Variants in NOS1AP observed in about 807,000 individuals in gnomAD.
NOS1AP encodes the protein carboxyl-terminal PDZ ligand of neuronal nitric oxide synthase protein.
Under a neutral mutation model 56.2 loss-of-function variants are expected in NOS1AP, and 21 were observed. The observed-to-expected ratio is 0.37, with a 90% CI of 0.26 to 0.54. NOS1AP has a LOEUF of 0.54. Among genes scored for constraint, NOS1AP ranks in the 20% least tolerant of loss-of-function variants. The probability of loss-of-function intolerance (pLI) is 0.84; values close to 1 mark genes in which losing one functional copy is unlikely to be tolerated. For synonymous variants in NOS1AP, 270 were observed against 274.6 expected (o/e 0.98, Z 0.17); for missense variants, 522 against 657.8 (o/e 0.79, Z 2.26).
chr1:162,309,968 G>C (rs1184557932), intron 4 of NOS1AP, among the ~76,000 whole-genome samples: 1 of 152,104 alleles, frequency 6.6e-6, no homozygotes, highest in East Asian at 1.9e-4. Flanking sequence ...GTAATATTTA[G>C]TCACTGTATT....
intron 2 of NOS1AP, among the ~76,000 whole-genome samples, chr1:162,269,504 A>T (rs1654521903): frequency 6.6e-6 from 1 of 152,224 alleles, no homozygotes. Context: ...ATTAATCTTA[A>T]TGTAATTGGT....
chr1:162,335,362 CTAAG>C (rs1656905572), intron 5 of NOS1AP, among the ~76,000 whole-genome samples: 1 of 152,170 alleles, frequency 6.6e-6, no homozygotes, highest in Non-Finnish European at 1.5e-5. Context: ...GGTTTCCAAG[CTAAG>C]AAAGGGAAGT....
Position 162,287,085 on chromosome 1 carries a change from A to G in NOS1AP, c.178-259A>G, listed in dbSNP as rs10919077. Among the ~76,000 whole-genome samples the G allele has an allele frequency of 0.29, 44,097 of 151,962 alleles. 6,811 individuals are homozygous for G. The highest frequency in any genetic ancestry group is 0.59 in the East Asian group (3,036 of 5,132). ...TCTGATTTTTTATGGGATATTCCAA[A>G]TAGGCTATGTTTTCATCTCATGAGG... On this transcript the variant is annotated intron_variant, in intron 2 of 9. Coordinates refer to ENST00000361897, the MANE Select transcript of NOS1AP (RefSeq NM_014697.3).
chr1:162,362,012 G>A (rs1038189034), intron 8 of NOS1AP, among the ~76,000 whole-genome samples: 11 of 152,164 alleles, frequency 7.2e-5, no homozygotes, highest in East Asian at 1.9e-4. Flanking sequence ...CAGTCCTCTC[G>A]GTTGACAGAT....
intron 4 of NOS1AP, among the ~76,000 whole-genome samples, chr1:162,325,398 G>GC (rs1422244094): frequency 6.6e-6 from 1 of 152,182 alleles, no homozygotes; most frequent in East Asian, 1.9e-4. Flanking sequence ...CAGTAGGCAG[G>GC]CAGCATGCTG....
At chr1:162,199,904 T>C (rs980722314) in intron 2 of NOS1AP, among the ~76,000 whole-genome samples, 7 of 152,212 alleles carry the variant, frequency 4.6e-5, no homozygotes, top group Non-Finnish European at 7.3e-5. Context: ...TGCAAATTAG[T>C]GCTTTGGTCC....
intron 3 of NOS1AP, among the ~76,000 whole-genome samples, chr1:162,291,078 ATGT>A (rs1557865767): frequency 6.6e-6 from 1 of 151,064 alleles, no homozygotes; most frequent in East Asian, 1.9e-4. Flanking sequence ...GTGGGTCACT[ATGT>A]TGTTGTTTCC....
chr1:162,193,967 C>T (rs906251435), intron 2 of NOS1AP, among the ~76,000 whole-genome samples: 1 of 152,184 alleles, frequency 6.6e-6, no homozygotes, highest in East Asian at 1.9e-4. Flanking sequence ...TGCCAGCTTA[C>T]TGGAGTGTGA....
chr1:162,270,483 C>A (rs1654548680), intron 2 of NOS1AP, among the ~76,000 whole-genome samples: 1 of 152,080 alleles, frequency 6.6e-6, no homozygotes, highest in African/African-American at 2.4e-5. Flanking sequence ...TAAAATCAAT[C>A]CCCTGAGTGC....
intron 1 of NOS1AP, among the ~76,000 whole-genome samples, chr1:162,071,271 G>A (rs1168437050): frequency 6.6e-6 from 1 of 152,158 alleles, no homozygotes; most frequent in Admixed American, 6.5e-5. Context: ...GGGTCTTGCT[G>A]GTTTTGAAAA....
chr1:162,200,964 A>T (rs1030493673), intron 2 of NOS1AP, among the ~76,000 whole-genome samples: 2 of 152,188 alleles, frequency 1.3e-5, no homozygotes, highest in South Asian at 2.1e-4. Flanking sequence ...GTAGGTAAAC[A>T]TGTGTCATAG....
chr1:162,271,915 T>C (rs1286353584), intron 2 of NOS1AP, among the ~76,000 whole-genome samples: 5 of 152,212 alleles, frequency 3.3e-5, no homozygotes, highest in African/African-American at 1.2e-4. Context: ...TTTTTTGGTC[T>C]CACTCTGTCA....
chr1:162,275,573 CT>C (rs1654707371), intron 2 of NOS1AP, among the ~76,000 whole-genome samples: 1 of 152,230 alleles, frequency 6.6e-6, no homozygotes, highest in Non-Finnish European at 1.5e-5. Context: ...AGTTCATTCT[CT>C]TTCCCTGTCA....
intron 2 of NOS1AP, among the ~76,000 whole-genome samples, chr1:162,154,935 T>G (rs949409412): frequency 2.0e-5 from 3 of 152,156 alleles, no homozygotes; most frequent in African/African-American, 4.8e-5. Context: ...ATTATAGGCA[T>G]GAGCCTGTAT....
At chr1:162,218,443 G>A (rs1206969721) in intron 2 of NOS1AP, among the ~76,000 whole-genome samples, 1 of 152,180 alleles carries the variant, frequency 6.6e-6, no homozygotes, top group African/African-American at 2.4e-5. Context: ...TATGCCTTGA[G>A]CAATCGCAGT....
intron 2 of NOS1AP, among the ~76,000 whole-genome samples, chr1:162,261,535 A>C (rs1279923259): frequency 2.6e-5 from 1 of 38,880 alleles, no homozygotes; most frequent in African/African-American, 8.5e-5. Flanking sequence ...AGAGAGAGAG[A>C]GAGAGAGAGA....
chr1:162,297,555 T>C (rs954703152), intron 3 of NOS1AP, among the ~76,000 whole-genome samples: 1 of 152,128 alleles, frequency 6.6e-6, no homozygotes, highest in Non-Finnish European at 1.5e-5. Flanking sequence ...TTCAGTCCAG[T>C]CTTTCTTTGG....
intron 2 of NOS1AP, among the ~76,000 whole-genome samples, chr1:162,193,550 A>G (rs1557827669): frequency 6.6e-6 from 1 of 152,064 alleles, no homozygotes; most frequent in Non-Finnish European, 1.5e-5. Context: ...CTGATGGATT[A>G]TTTTTGCTTC....
intron 5 of NOS1AP, among the ~76,000 whole-genome samples, chr1:162,338,914 A>G (rs1210370905): frequency 6.6e-6 from 1 of 152,176 alleles, no homozygotes; most frequent in African/African-American, 2.4e-5. Context: ...GACTCCTGCT[A>G]GGTATGAAGT....
Sources: gnomAD v4.1 joint callset for allele counts (sites outside exome capture counted in the v4.1 genomes callset) on GRCh38, gnomAD v4.1.1 for gene constraint, MANE v1.5 for transcripts, NCBI Gene and HGNC (gene_info 2026-07-23, HGNC 2026-07-21) for gene names.